TYW1: variants seen among roughly 807,000 people sequenced by gnomAD.
TYW1 encodes S-adenosyl-L-methionine-dependent tRNA 4-demethylwyosine synthase TYW1.
A neutral mutation model predicts 96.2 loss-of-function variants in TYW1; 46 were observed. That is an observed-to-expected ratio of 0.48 (90% CI 0.38 to 0.61). The LOEUF (loss-of-function observed/expected upper bound fraction) is 0.61. TYW1 is among the 20% of genes least tolerant of loss of function. TYW1 has a pLI of 0.00. For synonymous variants in TYW1, 274 were observed against 323.0 expected, an observed-to-expected ratio of 0.85 and a Z score of 1.63; for missense variants, 684 against 909.6, an observed-to-expected ratio of 0.75 and a Z score of 3.19.
Position 66,996,957 on chromosome 7 carries a change from T to C in TYW1, c.-22T>C, listed in dbSNP as rs1009571560. On this transcript the variant is annotated 5_prime_UTR_variant, in exon 1 of 16. Transcript: ENST00000359626. ...GGGCTATCCAGGTCCGAGATCCTAG[T>C]CTCCTGTCGGCTCTGAGGAGGATGG... is the stretch of plus-strand genomic sequence containing the variant. 5 of 1,614,068 alleles carry C rather than the reference T, an allele frequency of 3.1e-6. No homozygotes were observed. The Admixed American group carries it at 8.3e-5, about 27-fold the overall frequency.
intron 15 of TYW1, among the ~76,000 whole-genome samples, chr7:67,219,744 T>G (rs1195999760): frequency 6.6e-6 from 1 of 152,038 alleles, no homozygotes; most frequent in African/African-American, 2.4e-5. Context: ...ATTTCTGATT[T>G]TGGTAATTCG....
Position 67,053,250 on chromosome 7 carries a change from A to C in TYW1, c.1103-2585A>C, listed in dbSNP as rs545623196. 4.3e-3 allele frequency among the ~76,000 whole-genome samples: 656 copies of C among 152,110 alleles called. 4 individuals carry two copies. The highest frequency in any genetic ancestry group is 0.011 in the African/African-American group (469 of 41,512). ...ACTTCTATTTGTAGTCTACCTAATG[A>C]CTTGTGCATCTTTAGATTTCTAGTC... On this transcript the variant is annotated intron_variant, in intron 8 of 15. Transcript: ENST00000359626.
At chr7:67,212,886 A>T (rs1365367262) in intron 15 of TYW1, among the ~76,000 whole-genome samples, 1 of 151,544 alleles carries the variant, frequency 6.6e-6, no homozygotes, top group Non-Finnish European at 1.5e-5. Flanking sequence ...TTATTTTTTT[A>T]TGTTTTGAGA....
At chr7:67,194,498 G>C (rs996467658) in intron 14 of TYW1, among the ~76,000 whole-genome samples, 1 of 152,002 alleles carries the variant, frequency 6.6e-6, no homozygotes, top group Non-Finnish European at 1.5e-5. Flanking sequence ...GGTGGCAGGC[G>C]CCTGTAATCC....
intron 13 of TYW1, among the ~76,000 whole-genome samples, chr7:67,122,147 TTCTC>T (rs1216867591): frequency 6.6e-6 from 1 of 151,556 alleles, no homozygotes; most frequent in Non-Finnish European, 1.5e-5. Flanking sequence ...TATTTAATTC[TTCTC>T]TCTGTTTAAG....
intron 9 of TYW1, among the ~76,000 whole-genome samples, chr7:67,063,823 T>C (rs62466640): frequency 0.04 from 6,091 of 151,804 alleles, 180 homozygotes; most frequent in Middle Eastern, 0.1. Context: ...AGGATGGTCT[T>C]GATCTCCTGA....
chr7:67,031,806 C>T (rs1324047145), intron 7 of TYW1, among the ~76,000 whole-genome samples: 9 of 145,508 alleles, frequency 6.2e-5, no homozygotes, highest in Non-Finnish European at 1.4e-4. Flanking sequence ...GAACAATGTG[C>T]CTTTACAAAT....
rs1475491036 is a variant in TYW1 at position 67,180,425 on chromosome 7, A to AT, written c.1699-2691dup. Among the ~76,000 whole-genome samples the AT allele has an allele frequency of 1.3e-3, 92 of 68,620 alleles. 13 individuals carry two copies. Among genetic ancestry groups the AT allele is most frequent in the Non-Finnish European group, 1.7e-3 (57 of 34,024 alleles). 45.0% of individuals were successfully genotyped at this position (68,620 alleles called of 152,430 possible). A position where few individuals can be genotyped will look rare whatever the true frequency, so the allele number is the denominator to read the frequency against. On this transcript the variant is annotated intron_variant, in intron 13 of 15. Coordinates refer to ENST00000359626, the MANE Select transcript of TYW1 (RefSeq NM_018264.4). ...ATATATTTATATATATATATATATA[A>AT]TTTTTTTTTTGGTAACTGGCCTAAT...
chr7:67,164,564 T>C (rs928002696), intron 13 of TYW1, among the ~76,000 whole-genome samples: 1 of 149,216 alleles, frequency 6.7e-6, no homozygotes, highest in Non-Finnish European at 1.5e-5. Flanking sequence ...TGAGCTATGA[T>C]GGCACTATTG....
chr7:67,123,258 A>T (rs1332514759), intron 13 of TYW1, among the ~76,000 whole-genome samples: 2 of 152,110 alleles, frequency 1.3e-5, no homozygotes, highest in Non-Finnish European at 2.9e-5. Context: ...ACCCCTATCC[A>T]CAGGCATAGA....
At chr7:67,189,943 G>C (rs1299946008) in intron 14 of TYW1, among the ~76,000 whole-genome samples, 1 of 151,422 alleles carries the variant, frequency 6.6e-6, no homozygotes, top group East Asian at 1.9e-4. Flanking sequence ...TTGTGAAAAG[G>C]TTTCATGTTA....
At chr7:67,154,854 A>G (rs947419037) in intron 13 of TYW1, among the ~76,000 whole-genome samples, 1 of 152,104 alleles carries the variant, frequency 6.6e-6, no homozygotes, top group Admixed American at 6.5e-5. Flanking sequence ...TGCATGTCAC[A>G]TAGGCTTTCT....
chr7:67,099,419 G>T (rs1797019358), intron 12 of TYW1, among the ~76,000 whole-genome samples: 1 of 152,158 alleles, frequency 6.6e-6, no homozygotes, highest in African/African-American at 2.4e-5. Flanking sequence ...GAAAGACGTG[G>T]AGTTGGGGTA....
chr7:67,210,919 ACCAT>A (rs57804156), intron 15 of TYW1, among the ~76,000 whole-genome samples: 5,679 of 130,272 alleles, frequency 0.044, 313 homozygotes, highest in East Asian at 0.2. Flanking sequence ...CATCTATCCA[ACCAT>A]CCATCCATCC....
chr7:67,140,184 A>G (rs758760161), intron 13 of TYW1, among the ~76,000 whole-genome samples: 20 of 152,158 alleles, frequency 1.3e-4, no homozygotes, highest in Admixed American at 2.6e-4. Flanking sequence ...TTGCCCCATG[A>G]TTCAGTTACC....
intron 7 of TYW1, among the ~76,000 whole-genome samples, chr7:67,030,802 A>C (rs1190739264): frequency 1.3e-5 from 2 of 152,120 alleles, no homozygotes; most frequent in African/African-American, 4.8e-5. Flanking sequence ...CCTGCCAAAA[A>C]GACGTAGGAA....
At chr7:67,202,654 C>T (rs770051837) in intron 15 of TYW1, among the ~76,000 whole-genome samples, 2 of 152,160 alleles carry the variant, frequency 1.3e-5, no homozygotes, top group Non-Finnish European at 2.9e-5. Flanking sequence ...ACCTCAGCCT[C>T]CCAAAGTGCT....
intron 14 of TYW1, among the ~76,000 whole-genome samples, chr7:67,188,886 G>T (rs1800113139): frequency 6.6e-6 from 1 of 152,108 alleles, no homozygotes; most frequent in South Asian, 2.1e-4. Context: ...TATTTCAATT[G>T]AGTTGCTTAT....
At chr7:67,226,839 C>G (rs976874337) in intron 15 of TYW1, among the ~76,000 whole-genome samples, 7 of 152,112 alleles carry the variant, frequency 4.6e-5, no homozygotes, top group Admixed American at 4.6e-4. Flanking sequence ...CCTGGACTTC[C>G]TCTACTCCCA....
Sources: gnomAD v4.1 joint callset for allele counts (sites outside exome capture counted in the v4.1 genomes callset) on GRCh38, gnomAD v4.1.1 for gene constraint, MANE v1.5 for transcripts, NCBI Gene and HGNC (gene_info 2026-07-23, HGNC 2026-07-21) for gene names.